Variants in NOX4 observed in about 807,000 individuals in gnomAD.
NOX4 encodes kidney oxidase-1.
In NOX4, 69 loss-of-function variants were observed where a neutral mutation model predicts 87.6. That is an observed-to-expected ratio of 0.79 (90% CI 0.65 to 0.96). The LOEUF (loss-of-function observed/expected upper bound fraction) is 0.96. Ranked by LOEUF, NOX4 falls within the 40% of genes least tolerant of loss-of-function variation. NOX4 has a pLI of 0.00. For synonymous variants in NOX4, 275 were observed against 238.2 expected, an observed-to-expected ratio of 1.15 and a Z score of -1.42; for missense variants, 680 against 681.5, an observed-to-expected ratio of 1.00 and a Z score of 0.02.
upstream of NOX4, among the ~76,000 whole-genome samples, chr11:89,493,021 C>T (rs1035356683): frequency 1.3e-5 from 2 of 152,232 alleles, no homozygotes; most frequent in Admixed American, 1.3e-4. Flanking sequence ...GTCTTTGCTA[C>T]TTCATATACA....
chr11:89,569,829 C>T, the NOX4 span, among the ~76,000 whole-genome samples: 6 of 151,582 alleles, frequency 4.0e-5, no homozygotes, highest in Non-Finnish European at 7.4e-5. Context: ...TGGTGAAACC[C>T]GCCTCTATTA....
chr11:89,419,554 T>C (rs1942975981), intron 8 of NOX4, among the ~76,000 whole-genome samples: 1 of 151,904 alleles, frequency 6.6e-6, no homozygotes, highest in Non-Finnish European at 1.5e-5. Context: ...ATGGGTTGCA[T>C]GACATATTTC....
intron 2 of NOX4, among the ~76,000 whole-genome samples, chr11:89,465,919 T>G (rs1015052146): frequency 6.6e-6 from 1 of 152,222 alleles, no homozygotes; most frequent in Non-Finnish European, 1.5e-5. Context: ...TCTCCCATTC[T>G]GTAGGTTGCC....
At chr11:89,402,255 C>T (rs950814562) in intron 9 of NOX4, 71 bp downstream of exon 9, 49 of 1,146,328 alleles carry the variant, frequency 4.3e-5, no homozygotes, top group African/African-American at 7.7e-5. Context: ...TTGAAAAACA[C>T]ATTTATATGT....
intron 11 of NOX4, among the ~76,000 whole-genome samples, chr11:89,383,800 C>A (rs184828609): frequency 6.6e-6 from 1 of 152,132 alleles, no homozygotes; most frequent in Non-Finnish European, 1.5e-5. Flanking sequence ...TATAGCCACA[C>A]CTCACTGCCA....
At chr11:89,386,792 G>A (rs1201170329) in intron 11 of NOX4, among the ~76,000 whole-genome samples, 3 of 152,026 alleles carry the variant, frequency 2.0e-5, no homozygotes, top group African/African-American at 4.8e-5. Flanking sequence ...CTCCAACCAA[G>A]CAAGTAATTA....
intron 4 of NOX4, among the ~76,000 whole-genome samples, chr11:89,447,910 C>A (rs761663835): frequency 1.3e-5 from 2 of 152,098 alleles, no homozygotes; most frequent in African/African-American, 2.4e-5. Flanking sequence ...GGAAGACATT[C>A]AGAGATAAAA....
At chr11:89,394,982 T>C (rs1314345130) in intron 11 of NOX4, among the ~76,000 whole-genome samples, 1 of 152,196 alleles carries the variant, frequency 6.6e-6, no homozygotes, top group African/African-American at 2.4e-5. Flanking sequence ...TGTGTCTTTA[T>C]AGTAGCATGA....
the NOX4 span, among the ~76,000 whole-genome samples, chr11:89,572,363 TG>T: frequency 1.4e-3 from 215 of 152,366 alleles, 3 homozygotes; most frequent in East Asian, 0.013. Context: ...GGCTCGTTTT[TG>T]CTATCGACCT....
intron 7 of NOX4, among the ~76,000 whole-genome samples, chr11:89,423,556 G>A (rs1003301912): frequency 1.3e-5 from 2 of 152,046 alleles, no homozygotes; most frequent in Admixed American, 6.6e-5. Flanking sequence ...ATTTTTGCAA[G>A]TAAGTCCCAT....
At chr11:89,430,482 A>T (rs1466265737) in intron 7 of NOX4, among the ~76,000 whole-genome samples, 1 of 152,216 alleles carries the variant, frequency 6.6e-6, no homozygotes, top group African/African-American at 2.4e-5. Context: ...AATCTCCTTA[A>T]GGTGATAAGC....
At chr11:89,506,712 T>C in the NOX4 span, among the ~76,000 whole-genome samples, 2 of 151,892 alleles carry the variant, frequency 1.3e-5, no homozygotes, top group African/African-American at 4.8e-5. Context: ...CTAAAGTACA[T>C]AAAAGACCTT....
chr11:89,471,448 A>G (rs1945936576), intron 2 of NOX4, among the ~76,000 whole-genome samples: 1 of 152,188 alleles, frequency 6.6e-6, no homozygotes, highest in South Asian at 2.1e-4. Context: ...AAGCTGTACA[A>G]TTTTTCAAAG....
chr11:89,545,773 T>A, the NOX4 span: 1 of 151,642 alleles, frequency 6.6e-6, no homozygotes, highest in Non-Finnish European at 1.5e-5. Context: ...TATTCCATTG[T>A]CATGATGAAA....
At chr11:89,465,722 G>T (rs1316744874) in intron 2 of NOX4, among the ~76,000 whole-genome samples, 1 of 152,122 alleles carries the variant, frequency 6.6e-6, no homozygotes, top group East Asian at 1.9e-4. Context: ...GCATTTCTGT[G>T]ATGACCAGCA....
At chr11:89,486,294 T>TAA in intron 2 of NOX4, among the ~76,000 whole-genome samples, 1 of 148,066 alleles carries the variant, frequency 6.8e-6, no homozygotes, top group African/African-American at 2.5e-5. Context: ...TAAATAAATT[T>TAA]ATTTATTTAA....
the NOX4 span, among the ~76,000 whole-genome samples, chr11:89,528,187 T>C: frequency 2.6e-5 from 4 of 152,290 alleles, no homozygotes; most frequent in Non-Finnish European, 4.4e-5. Context: ...ATTTCTTCCA[T>C]TTGGAACGGG....
At chr11:89,424,134 C>T (rs1209541858) in intron 7 of NOX4, among the ~76,000 whole-genome samples, 1 of 151,680 alleles carries the variant, frequency 6.6e-6, no homozygotes, top group Non-Finnish European at 1.5e-5. Context: ...AGTCTTTATT[C>T]AAATCTCTAC....
the NOX4 span, among the ~76,000 whole-genome samples, chr11:89,567,476 A>G: frequency 4.6e-5 from 7 of 152,188 alleles, no homozygotes; most frequent in Non-Finnish European, 7.3e-5. Context: ...AATTATAAAG[A>G]AAAGAGGTTT....
Sources: allele counts gnomAD v4.1 joint callset (sites outside exome capture counted in the v4.1 genomes callset), GRCh38; gene constraint gnomAD v4.1.1; transcripts MANE v1.5; gene names NCBI Gene and HGNC (gene_info 2026-07-23, HGNC 2026-07-21).